Variants in RP1 observed in about 807,000 individuals in gnomAD.
The protein encoded by RP1 is oxygen-regulated protein 1.
In RP1, 16 loss-of-function variants were observed where a neutral mutation model predicts 14.8. That is an observed-to-expected ratio of 1.08 (90% confidence interval 0.73 to 1.65). The LOEUF (loss-of-function observed/expected upper bound fraction) is 1.65. Among genes scored for constraint, RP1 ranks in the 40% most tolerant of loss-of-function variants. The pLI is 0.00. For synonymous variants in RP1, 876 were observed against 883.6 expected (o/e 0.99, Z 0.15); for missense variants, 2,631 against 2,535.0 (o/e 1.04, Z -0.81).
intron 15 of RP1, among the ~76,000 whole-genome samples, chr8:54,707,697 A>C (rs939000006): frequency 6.6e-6 from 1 of 152,210 alleles, no homozygotes; most frequent in African/African-American, 2.4e-5. Flanking sequence ...GGGTATGAGG[A>C]GGGAGGACTT....
chr8:54,804,537 C>T (rs542922149), intron 24 of RP1, among the ~76,000 whole-genome samples: 5 of 147,686 alleles, frequency 3.4e-5, no homozygotes, highest in Non-Finnish European at 7.4e-5. Context: ...TCAGTGATTT[C>T]AAAAAGGCTA....
At chr8:54,810,119 G>A (rs191204628) in intron 24 of RP1, among the ~76,000 whole-genome samples, 8 of 152,156 alleles carry the variant, frequency 5.3e-5, no homozygotes, top group African/African-American at 1.9e-4. Flanking sequence ...AATCCCTTCT[G>A]GTTTTTCAGA....
chr8:54,866,324 A>T (rs1272933796), intron 28 of RP1, among the ~76,000 whole-genome samples: 1 of 152,170 alleles, frequency 6.6e-6, no homozygotes, highest in Non-Finnish European at 1.5e-5. Context: ...GAATCATTTA[A>T]ACTCAAATGA....
At chr8:54,869,251 T>C (rs1424926212) in intron 28 of RP1, among the ~76,000 whole-genome samples, 1 of 152,234 alleles carries the variant, frequency 6.6e-6, no homozygotes, top group Admixed American at 6.5e-5. Context: ...AAGCCACATA[T>C]GTCTACTGAA....
At chr8:54,861,458 T>A (rs1042478044) in intron 27 of RP1, among the ~76,000 whole-genome samples, 2 of 152,250 alleles carry the variant, frequency 1.3e-5, no homozygotes, top group Non-Finnish European at 2.9e-5. Context: ...CTTTCATGTG[T>A]AGTGCAATAG....
At position 54,626,713 on chromosome 8, in the gene RP1, T is replaced by C. The variant is rs750167104; in HGVS notation, c.2831T>C (p.Val944Ala). 6.2e-7 allele frequency: 1 copy of C among 1,613,978 alleles called. No individual in the cohort carries two copies. The highest frequency in any genetic ancestry group is 8.5e-7 in the Non-Finnish European group (1 of 1,179,938). The change falls in exon 4 of 4, where the codon GTG becomes GCG. Residue 944 changes from valine (V) to alanine (A), a missense_variant. Transcript: ENST00000220676. ...SAPVCRNETSVVNCSNNSFSG... is the reference protein window; with the variant it reads ...SAPVCRNETSAVNCSNNSFSG... Reference sequence around the variant, plus strand: ...CCAGTATGTAGAAATGAAACGAGTGTGGTAAATTGTAGCAATAATAGTTTT... The same window carrying C: ...CCAGTATGTAGAAATGAAACGAGTGCGGTAAATTGTAGCAATAATAGTTTT...
At chr8:54,732,144 C>G (rs1392662146) in intron 17 of RP1, among the ~76,000 whole-genome samples, 2 of 152,176 alleles carry the variant, frequency 1.3e-5, no homozygotes, top group African/African-American at 4.8e-5. Flanking sequence ...CCTGCTGCTG[C>G]AAGCCATGCA....
intron 20 of RP1, chr8:54,755,481 A>G: frequency 1.2e-6 from 1 of 825,974 alleles, no homozygotes; most frequent in Non-Finnish European, 1.8e-6. Context: ...ATAGACACAG[A>G]AAATCCAGAT....
chr8:54,588,519 G>T (rs959223150), intron 1 of RP1, among the ~76,000 whole-genome samples: 5 of 152,202 alleles, frequency 3.3e-5, no homozygotes, highest in Non-Finnish European at 7.3e-5. Flanking sequence ...GAAGGAGCTG[G>T]CACACAGGCT....
At chr8:54,702,745 CTTTTCAAAATTAGTATAAA>C (rs1808056054) in intron 14 of RP1, among the ~76,000 whole-genome samples, 1 of 152,158 alleles carries the variant, frequency 6.6e-6, no homozygotes, top group Non-Finnish European at 1.5e-5. Context: ...CATAGTAGAA[CTTTTCAAAATTAGTATAAA>C]TCCTCTCGAG....
Position 54,625,051 on chromosome 8 carries a change from A to T in RP1, c.1169A>T (p.Asp390Val). Residue 390 changes from aspartate (D) to valine (V), a missense_variant, in exon 4 of 4, where the codon GAT (aspartate) becomes GTT (valine). Asp to Val is a radical substitution (Grantham distance 152). Coordinates refer to ENST00000220676, the MANE Select transcript of RP1 (RefSeq NM_006269.2). ...CTTGCAGCATGTTCATTCTCTGCAG[A>T]TGTGTCACCTATGGAGCGAAGCAGT... is the stretch of plus-strand genomic sequence containing the variant. ...LKLAACSFSADVSPMERSSNQ... is the reference protein window; with the variant it reads ...LKLAACSFSAVVSPMERSSNQ... The T allele has an allele frequency of 1.2e-6, 2 of 1,614,208 alleles. No homozygotes were observed. Among genetic ancestry groups the T allele is most frequent in the Non-Finnish European group, 1.7e-6 (2 of 1,180,038 alleles).
At chr8:54,857,113 T>A in intron 27 of RP1, 8 of 1,200,126 alleles carry the variant, frequency 6.7e-6, no homozygotes, top group Non-Finnish European at 8.3e-6. Flanking sequence ...CCAGGTAAGA[T>A]TTAGTTTCTT....
At chr8:54,683,039 C>T (rs1173979813) in intron 12 of RP1, among the ~76,000 whole-genome samples, 1 of 152,134 alleles carries the variant, frequency 6.6e-6, no homozygotes, top group Non-Finnish European at 1.5e-5. Context: ...TTCCCAACAC[C>T]ATTTGTTAAA....
intron 6 of RP1, chr8:54,656,303 A>G: frequency 7.5e-7 from 1 of 1,336,854 alleles, no homozygotes; most frequent in Non-Finnish European, 1.0e-6. Context: ...CATGTTGAGT[A>G]AATGAATGAT....
intron 4 of RP1, among the ~76,000 whole-genome samples, chr8:54,649,593 C>T (rs1806615907): frequency 6.6e-6 from 1 of 152,158 alleles, no homozygotes; most frequent in African/African-American, 2.4e-5. Context: ...ACAGAGGTAA[C>T]AAAGATGAAG....
chr8:54,663,909 A>C (rs1432381733), intron 7 of RP1: 6 of 1,401,832 alleles, frequency 4.3e-6, no homozygotes, highest in Non-Finnish European at 5.6e-6. Flanking sequence ...ACATAAAATA[A>C]GATTTACTGT....
At chr8:54,600,676 A>G (rs756545192) in intron 1 of RP1, among the ~76,000 whole-genome samples, 5 of 152,184 alleles carry the variant, frequency 3.3e-5, no homozygotes, top group East Asian at 1.9e-4. Context: ...CCCAAGGCAG[A>G]TAAGAGTATG....
At chr8:54,704,627 T>C (rs915649600) in intron 14 of RP1, among the ~76,000 whole-genome samples, 6 of 152,178 alleles carry the variant, frequency 3.9e-5, no homozygotes, top group African/African-American at 1.4e-4. Flanking sequence ...AACCTTCAAT[T>C]TAAGAAAAAT....
intron 25 of RP1, among the ~76,000 whole-genome samples, chr8:54,843,319 T>C (rs1474330871): frequency 6.6e-6 from 1 of 152,156 alleles, no homozygotes; most frequent in Non-Finnish European, 1.5e-5. Flanking sequence ...TGACCTCAGG[T>C]GATCCACCCG....
Sources: gnomAD v4.1 joint callset for allele counts (sites outside exome capture counted in the v4.1 genomes callset) on GRCh38, gnomAD v4.1.1 for gene constraint, MANE v1.5 for transcripts, NCBI Gene and HGNC (gene_info 2026-07-23, HGNC 2026-07-21) for gene names.